The following NSUN2 variants were observed in gnomAD, a reference collection of about 807,000 sequenced individuals.
NSUN2 encodes the protein NOP2/Sun RNA methyltransferase 2.
Under a neutral mutation model 92.7 loss-of-function variants are expected in NSUN2, and 63 were observed. That is an observed-to-expected ratio of 0.68 (90% CI 0.56 to 0.84). The LOEUF (loss-of-function observed/expected upper bound fraction) is 0.84, where lower values mean the gene tolerates loss of function less well. NSUN2 is among the 40% of genes least tolerant of loss of function. NSUN2 has a pLI of 0.00. For missense variants in NSUN2, 989 were observed against 964.9 expected (o/e 1.02, Z -0.33); for synonymous variants, 356 against 348.3 (o/e 1.02, Z -0.25).
intron 18 of NSUN2, 125 bp downstream of exon 18, chr5:6,602,336 T>C: frequency 1.1e-6 from 1 of 919,360 alleles, no homozygotes; most frequent in Non-Finnish European, 1.8e-6. Context: ...AGGCTACTTC[T>C]GAGGAACAAT....
In NSUN2 at chr5:6,611,756, A is replaced by G. The variant is rs756206098; in HGVS notation, c.1064T>C (p.Leu355Pro). ...CTGTGTGATTCCAGGCATCCACTTC[A>G]GCCCTGGCAGTTCATTAGACACATC... is the stretch of plus-strand genomic sequence containing the variant. ...LADVSNELPG[L>P]KWMPGITQWK... is the part of the protein sequence containing the mutation. Residue 355 changes from leucine (L) to proline (P), a missense_variant, in exon 10 of 19, where the codon CTG (leucine) becomes CCG (proline). By Grantham distance (98) the Leu-to-Pro change is moderately conservative. Transcript: ENST00000264670. 12 of 1,614,210 alleles carry G rather than the reference A, an allele frequency of 7.4e-6. No homozygotes were observed. The East Asian group carries it at 2.5e-4, about 33-fold the overall frequency.
intron 7 of NSUN2, among the ~76,000 whole-genome samples, chr5:6,618,429 CCA>C (rs1482495876): frequency 2.0e-5 from 3 of 152,080 alleles, no homozygotes; most frequent in Non-Finnish European, 4.4e-5. Flanking sequence ...AAGAAATTTT[CCA>C]CAGTTAAGCT....
At chr5:6,603,986 C>G (rs551306636) in intron 17 of NSUN2, 152 bp downstream of exon 17, 120 of 689,338 alleles carry the variant, frequency 1.7e-4, no homozygotes, top group Non-Finnish European at 2.7e-4. Flanking sequence ...AACTGTCAAT[C>G]AGGGATCTAC....
chr5:6,605,270 C>A lies in NSUN2; in HGVS notation c.1737+3G>T. On this transcript the variant is annotated splice_donor_region_variant and intron_variant, in intron 15 of 18. Coordinates refer to ENST00000264670, the MANE Select transcript of NSUN2 (RefSeq NM_017755.6). ...CAGCACTCAGCGTCTGTGCGGCTGG[C>A]ACCTTCATCTTCTCACTGTTATTCA... is the stretch of plus-strand genomic sequence containing the variant. 1 of 1,613,978 alleles carries A rather than the reference C, an allele frequency of 6.2e-7. No individual in the cohort carries two copies. The highest frequency in any genetic ancestry group is 8.5e-7 in the Non-Finnish European group (1 of 1,179,914).
chr5:6,628,080 G>A (rs2126507708), intron 3 of NSUN2, among the ~76,000 whole-genome samples: 1 of 152,322 alleles, frequency 6.6e-6, no homozygotes, highest in Admixed American at 6.5e-5. Flanking sequence ...AGGTGCAGTG[G>A]CTCATGCCTG....
chr5:6,609,732 CTCTTTCCTCTGTACTTCTACTAA>C, intron 12 of NSUN2, 71 bp downstream of exon 12: 3 of 942,890 alleles, frequency 3.2e-6, no homozygotes, highest in Non-Finnish European at 3.3e-6. Context: ...CAAGAAGCTC[CTCTTTCCTCTGTACTTCTACTAA>C]ACTCCGGTTA....
intron 11 of NSUN2, among the ~76,000 whole-genome samples, chr5:6,610,321 T>A (rs1364502140): frequency 6.6e-6 from 1 of 151,892 alleles, no homozygotes; most frequent in Non-Finnish European, 1.5e-5. Flanking sequence ...AAGTGATCCA[T>A]CAGCCTTGGC....
chr5:6,607,333 C>G lies in NSUN2; in HGVS notation c.1375G>C (p.Asp459His). ...TRESTQLSPA[D>H]LTEGKPTDPS... ...TCTGTGGGTTTCCCTTCTGTGAGATCTGCAGGGCTCAGCTGTGTGCTTTCT... is the reference window on the plus strand; with the variant it reads ...TCTGTGGGTTTCCCTTCTGTGAGATGTGCAGGGCTCAGCTGTGTGCTTTCT... The change falls in exon 13 of 19, where the codon GAT (aspartate) becomes CAT (histidine). Residue 459 changes from aspartate (D) to histidine (H), a missense_variant. Physicochemically the swap from Asp to His is moderately conservative, Grantham distance 81. Coordinates refer to ENST00000264670, the MANE Select transcript of NSUN2 (RefSeq NM_017755.6). The G allele has an allele frequency of 6.2e-7, 1 of 1,614,172 alleles. No homozygotes were observed. Among genetic ancestry groups the G allele is most frequent in the Non-Finnish European group, 8.5e-7 (1 of 1,180,024 alleles).
intron 2 of NSUN2, 38 bp downstream of exon 2, chr5:6,632,561 G>A (rs1737967495): frequency 6.2e-7 from 1 of 1,608,786 alleles, no homozygotes; most frequent in Non-Finnish European, 8.5e-7. Context: ...CCAGCATCCT[G>A]GCCCCAACTC....
At chr5:6,628,425 C>A (rs1737742752) in intron 3 of NSUN2, among the ~76,000 whole-genome samples, 1 of 152,166 alleles carries the variant, frequency 6.6e-6, no homozygotes, top group African/African-American at 2.4e-5. Context: ...AACAATGCTT[C>A]TATAAGAATG....
chr5:6,628,174 C>A (rs1039316069), intron 3 of NSUN2, among the ~76,000 whole-genome samples: 4 of 151,994 alleles, frequency 2.6e-5, no homozygotes, highest in African/African-American at 9.7e-5. Flanking sequence ...ATGGCAAAAC[C>A]CCAACTGTAC....
In NSUN2 at chr5:6,620,243, A is replaced by G; in HGVS notation, c.678T>C (p.His226=). 6.2e-7 allele frequency: 1 copy of G among 1,611,376 alleles called. No individual in the cohort carries two copies. ...AGGGGCTGCTCAGCCTCTTGGCTTGATGGACGAGCAGGTAGCAGCGCTTGT... is the reference window on the plus strand; with the variant it reads ...AGGGGCTGCTCAGCCTCTTGGCTTGGTGGACGAGCAGGTAGCAGCGCTTGT... The part of the protein sequence containing the change: ...VDNKRCYLLV[H]QAKRLSSPCI... The change falls in exon 7 of 19, where the codon CAT becomes CAC. Residue 226 remains histidine, a synonymous_variant. Transcript: ENST00000264670.
intron 17 of NSUN2, 139 bp from the exon 18 acceptor site, chr5:6,602,639 A>T (rs1299860422): frequency 1.2e-6 from 1 of 856,914 alleles, no homozygotes; most frequent in Non-Finnish European, 1.9e-6. Flanking sequence ...GGCTTCAAGG[A>T]TCTAGATGGT....
At chr5:6,622,144 A>C (rs202084323) in intron 5 of NSUN2, 44 bp from the exon 6 acceptor site, 16 of 1,436,584 alleles carry the variant, frequency 1.1e-5, no homozygotes, top group Non-Finnish European at 1.6e-5. Flanking sequence ...TAAAAAACCA[A>C]ATATTCTACA....
Position 6,600,121 on chromosome 5 carries a change from C to T in NSUN2, c.2109G>A (p.Gly703=), listed in dbSNP as rs1736488777. 6.2e-7 allele frequency: 1 copy of T among 1,614,086 alleles called. No individual in the cohort carries two copies. The highest frequency in any genetic ancestry group is 1.3e-5 in the African/African-American group (1 of 74,928). The change falls in exon 19 of 19, where the codon GGG becomes GGA. Residue 703 remains glycine (G), a synonymous_variant. Transcript: ENST00000264670. The part of the protein sequence containing the change: ...NERLHYLRMM[G]LEVLGEKKKE... ...TCTTCTTTTCTCCCAATACCTCCAG[C>T]CCCATCATCCTGAGATAATGAAGCC...
chr5:6,614,829 T>C (rs956403626), intron 9 of NSUN2, among the ~76,000 whole-genome samples: 6 of 151,876 alleles, frequency 4.0e-5, no homozygotes, highest in Non-Finnish European at 7.4e-5. Context: ...CCCGGTGGAC[T>C]CAGGCCAGCA....
intron 5 of NSUN2, among the ~76,000 whole-genome samples, 170 bp downstream of exon 5, chr5:6,623,044 G>GAA (rs111573762): frequency 2.7e-5 from 2 of 72,958 alleles, no homozygotes; most frequent in Non-Finnish European, 2.9e-5. Flanking sequence ...GGACAAAAAA[G>GAA]AAAAAAAAAA....
chr5:6,602,544 T>C (rs369954637), intron 17 of NSUN2, 44 bp from the exon 18 acceptor site: 137 of 1,582,450 alleles, frequency 8.7e-5, no homozygotes, highest in Non-Finnish European at 1.1e-4. Context: ...TTCCAGGTAG[T>C]GGATGCATGC....
In NSUN2 at chr5:6,610,993, C is replaced by G. The variant is rs763665349; in HGVS notation, c.1188G>C (p.Lys396Asn). Residue 396 changes from lysine to asparagine, a missense_variant, in exon 11 of 19, where the codon AAG becomes AAC. Transcript: ENST00000264670. ...TQIRPTMFPPKDPEKLQAMHL... is the reference protein window; with the variant it reads ...TQIRPTMFPPNDPEKLQAMHL... Reference sequence around the variant, plus strand: ...GCATGGCCTGCAGCTTTTCTGGGTCCTTCGGAGGGAACATGGTAGGTCGGA... The same window carrying G: ...GCATGGCCTGCAGCTTTTCTGGGTCGTTCGGAGGGAACATGGTAGGTCGGA... 1 of 1,614,208 alleles carries G rather than the reference C, an allele frequency of 6.2e-7. No homozygotes were observed.
Sources: allele counts gnomAD v4.1 joint callset (sites outside exome capture counted in the v4.1 genomes callset), GRCh38; gene constraint gnomAD v4.1.1; transcripts MANE v1.5; gene names NCBI Gene and HGNC (gene_info 2026-07-23, HGNC 2026-07-21).